OPA1: variants seen among roughly 807,000 people sequenced by gnomAD.
OPA1 encodes OPA1 mitochondrial dynamin like GTPase, also known as dynamin-like GTPase OPA1, mitochondrial.
In OPA1, 59 loss-of-function variants were observed where a neutral mutation model predicts 152.9. That is an observed-to-expected ratio of 0.39 (90% confidence interval 0.31 to 0.48). OPA1 has a LOEUF of 0.48. OPA1 is among the 20% of genes least tolerant of loss of function. The probability of loss-of-function intolerance (pLI) is 0.96; values close to 1 mark genes in which losing one functional copy is unlikely to be tolerated. For synonymous variants in OPA1, 400 were observed against 389.9 expected (o/e 1.03, Z -0.31); for missense variants, 1,008 against 1,216.8 (o/e 0.83, Z 2.55).
At position 193,692,156 on chromosome 3, in the gene OPA1, A is replaced by G. The variant is rs375789867; in HGVS notation, c.*5+24A>G. 1.3e-5 allele frequency: 16 copies of G among 1,200,714 alleles called. No individual in the cohort carries two copies. The African/African-American group carries it at 1.8e-4, about 14-fold the overall frequency. The allele number at this position is 1,200,714 out of a possible 1,614,324, so 74.4% of individuals were successfully genotyped here. A position where few individuals can be genotyped will look rare whatever the true frequency, so the allele number is the denominator to read the frequency against. ...AAGTGAGTAAAAATTCTCTAACTGT[A>G]TTGGTGCTGACTAAATACAAAATTA... On this transcript the variant is annotated intron_variant, in intron 30 of 30. Transcript: ENST00000361510.
At chr3:193,609,866 C>T (rs995438727) in intron 1 of OPA1, among the ~76,000 whole-genome samples, 12 of 152,218 alleles carry the variant, frequency 7.9e-5, no homozygotes, top group African/African-American at 2.4e-4. Context: ...ACGTAGTTCT[C>T]GTGCCTTGGT....
intron 29 of OPA1, among the ~76,000 whole-genome samples, chr3:193,675,122 G>T (rs771696066): frequency 1.1e-4 from 16 of 152,066 alleles, no homozygotes; most frequent in Non-Finnish European, 2.1e-4. Context: ...AATTTGAACT[G>T]CATCTGCACT....
intron 8 of OPA1, among the ~76,000 whole-genome samples, chr3:193,633,659 G>C (rs972605026): frequency 1.3e-5 from 2 of 152,104 alleles, no homozygotes; most frequent in African/African-American, 2.4e-5. Context: ...AAGAAACGTG[G>C]AATTAGTTTT....
chr3:193,645,549 A>G lies in OPA1; in HGVS notation c.1609-4A>G, dbSNP rs369118408. On this transcript the variant is annotated splice_polypyrimidine_tract_variant and splice_region_variant and intron_variant, in intron 16 of 30. Coordinates refer to ENST00000361510, the MANE Select transcript of OPA1 (RefSeq NM_130837.3). ...ACATTAATTTTTCCCACTTTTAAAA[A>G]TAGATTCAGCAGATAATTGAAGGAA... is the stretch of plus-strand genomic sequence containing the variant. 6.2e-7 allele frequency: 1 copy of G among 1,610,066 alleles called. No individual in the cohort carries two copies. The highest frequency in any genetic ancestry group is 8.5e-7 in the Non-Finnish European group (1 of 1,177,120).
intron 27 of OPA1, among the ~76,000 whole-genome samples, chr3:193,666,047 A>G (rs1716457040): frequency 6.6e-6 from 1 of 152,192 alleles, no homozygotes; most frequent in Non-Finnish European, 1.5e-5. Context: ...ACTCAAGCTT[A>G]TTTACTTTGT....
At chr3:193,662,416 G>A (rs1234385841) in intron 25 of OPA1, among the ~76,000 whole-genome samples, 1 of 152,154 alleles carries the variant, frequency 6.6e-6, no homozygotes, top group African/African-American at 2.4e-5. Flanking sequence ...ATAGTTCTTA[G>A]ATATGAAGCA....
At chr3:193,677,291 C>CTTTTTT (rs752472474) in intron 29 of OPA1, among the ~76,000 whole-genome samples, 104 of 125,452 alleles carry the variant, frequency 8.3e-4, no homozygotes, top group Non-Finnish European at 1.0e-3. Flanking sequence ...TCTTTTACTT[C>CTTTTTT]TTTTTTTTTT....
At chr3:193,664,824 GT>G (rs771515845) in intron 26 of OPA1, 55 bp from the exon 27 acceptor site, 180 of 945,020 alleles carry the variant, frequency 1.9e-4, no homozygotes, top group South Asian at 3.8e-4. Flanking sequence ...TCTCAGTGTG[GT>G]TGATCAACAT....
intron 16 of OPA1, among the ~76,000 whole-genome samples, chr3:193,644,439 T>C (rs952905935): frequency 4.6e-5 from 7 of 152,150 alleles, no homozygotes; most frequent in African/African-American, 1.7e-4. Context: ...CCAAAATTAT[T>C]TCATACTCCC....
intron 29 of OPA1, among the ~76,000 whole-genome samples, chr3:193,669,631 A>C (rs1717477107): frequency 6.6e-6 from 1 of 152,254 alleles, no homozygotes; most frequent in Admixed American, 6.5e-5. Context: ...TATCATTGTC[A>C]CAGTGTATAC....
At chr3:193,677,742 CA>C (rs1486027623) in intron 29 of OPA1, among the ~76,000 whole-genome samples, 2 of 152,188 alleles carry the variant, frequency 1.3e-5, no homozygotes, top group African/African-American at 4.8e-5. Flanking sequence ...GAGCACGATT[CA>C]GAATTACTTT....
intron 29 of OPA1, among the ~76,000 whole-genome samples, chr3:193,691,211 A>G (rs568103165): frequency 6.6e-6 from 1 of 152,256 alleles, no homozygotes; most frequent in Admixed American, 6.5e-5. Context: ...ACAGAGTAGG[A>G]CCCCCATCTC....
intron 1 of OPA1, among the ~76,000 whole-genome samples, chr3:193,604,191 C>T (rs1726878916): frequency 6.6e-6 from 1 of 152,152 alleles, no homozygotes; most frequent in Non-Finnish European, 1.5e-5. Flanking sequence ...CTATAGTATG[C>T]AGTGGTCCTA....
Position 193,697,338 on chromosome 3 carries a change from A to G in OPA1, c.*2738A>G, listed in dbSNP as rs1231040183. ...GCTTTAAAATATGCTTACCTTTTGA[A>G]TGATCATGGCTATATGTTGTTGAGA... On this transcript the variant is annotated 3_prime_UTR_variant, in exon 31 of 31. Transcript: ENST00000361510. The G allele has an allele frequency of 1.3e-5, 2 of 152,214 alleles. No homozygotes were observed. Among genetic ancestry groups the G allele is most frequent in the Non-Finnish European group, 2.9e-5 (2 of 68,036 alleles). 9.4% of individuals were successfully genotyped at this position (152,214 alleles called of 1,614,324 possible).
At chr3:193,647,222 T>C (rs1311764821) in intron 19 of OPA1, 42 bp downstream of exon 19, 14 of 1,274,454 alleles carry the variant, frequency 1.1e-5, no homozygotes, top group African/African-American at 1.5e-5. Context: ...TTAAGACATT[T>C]TATTAGCTGG....
At chr3:193,635,353 T>A (rs1732768723) in intron 8 of OPA1, 65 bp from the exon 9 acceptor site, 2 of 959,058 alleles carry the variant, frequency 2.1e-6, no homozygotes, top group Non-Finnish European at 3.3e-6. Flanking sequence ...GATTTTAATT[T>A]AGACTTAATA....
chr3:193,596,392 GTTCTTTTCTTTTCTT>G (rs1255269888), intron 1 of OPA1, among the ~76,000 whole-genome samples: 1 of 106,894 alleles, frequency 9.4e-6, no homozygotes, highest in Non-Finnish European at 1.9e-5. Flanking sequence ...TTTCTTTTCT[GTTCTTTTCTTTTCTT>G]TTCTTTTCTT....
In OPA1 at chr3:193,642,858, C is replaced by A; in HGVS notation, c.1230+13C>A. The A allele has an allele frequency of 6.3e-7, 1 of 1,593,958 alleles. No individual in the cohort carries two copies. The highest frequency in any genetic ancestry group is 1.1e-5 in the South Asian group (1 of 90,512). Reference sequence around the variant, plus strand: ...CAAAGAAGAAGATGTAAGTAAAATTCATCTAAGGTTGATATGTGTAATTTT... The same window carrying A: ...CAAAGAAGAAGATGTAAGTAAAATTAATCTAAGGTTGATATGTGTAATTTT... On this transcript the variant is annotated intron_variant, in intron 12 of 30. Transcript: ENST00000361510.
intron 1 of OPA1, among the ~76,000 whole-genome samples, chr3:193,601,743 A>G (rs1726499372): frequency 3.3e-5 from 5 of 152,114 alleles, no homozygotes. Flanking sequence ...TTTGTTTTTT[A>G]TATTTGGTGT....
Sources: gnomAD v4.1 joint callset for allele counts (sites outside exome capture counted in the v4.1 genomes callset) on GRCh38, gnomAD v4.1.1 for gene constraint, MANE v1.5 for transcripts, NCBI Gene and HGNC (gene_info 2026-07-23, HGNC 2026-07-21) for gene names.